The following TAB2 variants were observed in gnomAD, a reference collection of about 807,000 sequenced individuals.
TAB2 encodes TGF-beta-activated kinase 1 and MAP3K7-binding protein 2.
In TAB2, 3 loss-of-function variants were observed where a neutral mutation model predicts 65.0. The observed-to-expected ratio is 0.05, with a 90% CI of 0.02 to 0.12. TAB2 has a LOEUF of 0.12. Ranked by LOEUF, TAB2 falls within the 10% of genes least tolerant of loss-of-function variation. TAB2 has a pLI of 1.00. For missense variants in TAB2, 623 were observed against 840.3 expected, an observed-to-expected ratio of 0.74 and a Z score of 3.20; for synonymous variants, 298 against 285.1, an observed-to-expected ratio of 1.05 and a Z score of -0.46.
intron 6 of TAB2, chr6:149,400,259 G>A: frequency 1.0e-6 from 1 of 972,344 alleles, no homozygotes; most frequent in South Asian, 1.7e-5. Context: ...AGGGAGCCCA[G>A]GATGTGCACG....
At chr6:149,228,474 TC>T (rs1429007300) in intron 1 of TAB2, among the ~76,000 whole-genome samples, 1 of 152,098 alleles carries the variant, frequency 6.6e-6, no homozygotes. Flanking sequence ...AACTCTGACT[TC>T]CTCACACTGT....
Position 149,400,585 on chromosome 6 carries a change from A to G in TAB2, c.1939+1401A>G, listed in dbSNP as rs1782348032. ...CAGATCAGATTCCGATTTGGTGGGCAACCAATCAGTGGAACAGACAAACCT... is the reference window on the plus strand; with the variant it reads ...CAGATCAGATTCCGATTTGGTGGGCGACCAATCAGTGGAACAGACAAACCT... On this transcript the variant is annotated intron_variant, in intron 6 of 6. Transcript: ENST00000637181. The G allele has an allele frequency of 8.1e-6, 13 of 1,614,258 alleles. No individual in the cohort carries two copies. Among genetic ancestry groups the G allele is most frequent in the Non-Finnish European group, 1.1e-5 (13 of 1,180,040 alleles).
At chr6:149,355,667 CAA>C (rs10534200) in intron 1 of TAB2, among the ~76,000 whole-genome samples, 17,521 of 121,560 alleles carry the variant, frequency 0.14, 1,544 homozygotes, top group East Asian at 0.55. Context: ...AACTCCATCT[CAA>C]AAAAAAAAAA....
At chr6:149,289,541 G>C (rs564947739) in intron 1 of TAB2, among the ~76,000 whole-genome samples, 1 of 152,194 alleles carries the variant, frequency 6.6e-6, no homozygotes, top group Non-Finnish European at 1.5e-5. Context: ...CAGCCACGTG[G>C]AGAATCACAG....
At chr6:149,344,617 G>C (rs1780235744) in intron 1 of TAB2, among the ~76,000 whole-genome samples, 4 of 152,176 alleles carry the variant, frequency 2.6e-5, no homozygotes, top group African/African-American at 9.7e-5. Flanking sequence ...TTGAATGTCA[G>C]ATGAAGGAGT....
intron 1 of TAB2, among the ~76,000 whole-genome samples, chr6:149,345,756 C>A (rs1780275500): frequency 6.6e-6 from 1 of 152,000 alleles, no homozygotes; most frequent in South Asian, 2.1e-4. Flanking sequence ...TTTTTAAAAG[C>A]TTTTTAATAT....
At chr6:149,250,018 G>A (rs1228189710) in intron 1 of TAB2, among the ~76,000 whole-genome samples, 1 of 152,124 alleles carries the variant, frequency 6.6e-6, no homozygotes, top group Non-Finnish European at 1.5e-5. Context: ...GAGTTTCCTG[G>A]CAAAGGACAG....
intron 1 of TAB2, among the ~76,000 whole-genome samples, chr6:149,350,617 C>CTTTTTTTTT (rs150204735): frequency 1.1e-5 from 1 of 92,514 alleles, no homozygotes; most frequent in African/African-American, 4.3e-5. Flanking sequence ...TATTTTATGT[C>CTTTTTTTTT]TTTTTTTTTT....
intron 1 of TAB2, among the ~76,000 whole-genome samples, chr6:149,299,363 G>A (rs1562404934): frequency 1.3e-5 from 2 of 152,268 alleles, no homozygotes; most frequent in South Asian, 2.1e-4. Flanking sequence ...CTTGAGGCTG[G>A]GAGATCAAAA....
At chr6:149,225,673 C>T (rs1320281860) in intron 1 of TAB2, among the ~76,000 whole-genome samples, 2 of 151,904 alleles carry the variant, frequency 1.3e-5, no homozygotes, top group Non-Finnish European at 2.9e-5. Flanking sequence ...ATAGGGGACA[C>T]AATTTTTAAA....
At chr6:149,301,359 G>C (rs1308989990) in intron 1 of TAB2, among the ~76,000 whole-genome samples, 1 of 152,136 alleles carries the variant, frequency 6.6e-6, no homozygotes, top group Non-Finnish European at 1.5e-5. Context: ...TGGGTGCTTG[G>C]GGCCATTATA....
intron 1 of TAB2, among the ~76,000 whole-genome samples, chr6:149,326,570 C>A (rs957439957): frequency 6.7e-6 from 1 of 149,528 alleles, no homozygotes; most frequent in Admixed American, 6.7e-5. Flanking sequence ...TTTTTTGAGA[C>A]GGGGTCTTGC....
At chr6:149,270,771 C>T (rs577359854) in intron 1 of TAB2, among the ~76,000 whole-genome samples, 16 of 152,314 alleles carry the variant, frequency 1.1e-4, no homozygotes, top group African/African-American at 3.4e-4. Context: ...GCCTCTCCGA[C>T]GTACACATGG....
At chr6:149,343,426 T>G (rs566605779) in intron 1 of TAB2, among the ~76,000 whole-genome samples, 2 of 150,376 alleles carry the variant, frequency 1.3e-5, no homozygotes, top group Admixed American at 1.3e-4. Context: ...GAACTGAGAT[T>G]GCACCACTGC....
chr6:149,249,172 A>G lies in TAB2; in HGVS notation c.-121+30396A>G, dbSNP rs9399683. Among the ~76,000 whole-genome samples the G allele has an allele frequency of 0.019, 152 of 7,810 alleles. 1 individual carries two copies. In the East Asian group the frequency reaches 0.44, roughly 22 times the overall value. 5.1% of individuals were successfully genotyped at this position (7,810 alleles called of 152,430 possible). A position where few individuals can be genotyped will look rare whatever the true frequency, so the allele number is the denominator to read the frequency against. ...CACACATACACACACACACACACGC[A>G]CACACACACACACAGACACCTACCC... On this transcript the variant is annotated intron_variant, in intron 1 of 1. Coordinates refer to the TAB2 transcript ENST00000606202.
intron 1 of TAB2, among the ~76,000 whole-genome samples, chr6:149,250,964 C>T (rs1025403514): frequency 6.6e-6 from 1 of 152,324 alleles, no homozygotes; most frequent in Admixed American, 6.5e-5. Flanking sequence ...CGCTCACTCA[C>T]GCTTATTTCC....
chr6:149,297,316 A>C (rs1420879686), intron 1 of TAB2, among the ~76,000 whole-genome samples: 1 of 152,230 alleles, frequency 6.6e-6, no homozygotes, highest in African/African-American at 2.4e-5. Flanking sequence ...GATCCAATCA[A>C]GGATCACGCA....
At chr6:149,265,445 T>C (rs565938910) in intron 1 of TAB2, among the ~76,000 whole-genome samples, 2 of 152,272 alleles carry the variant, frequency 1.3e-5, no homozygotes, top group African/African-American at 4.8e-5. Flanking sequence ...TTCCCACAAT[T>C]GGGATAACAT....
rs549944639 is a variant in TAB2 at position 149,234,508 on chromosome 6, G to A, written c.-121+15732G>A. Among the ~76,000 whole-genome samples the A allele has an allele frequency of 9.0e-4, 137 of 152,242 alleles. 1 individual carries two copies. Among genetic ancestry groups the A allele is most frequent in the African/African-American group, 3.2e-3 (133 of 41,534 alleles). ...TAGGGTTTTGCGTAAGGTTTTGTTT[G>A]GGAGAAACTGGTGCCCACAAAAAAG... On this transcript the variant is annotated intron_variant, in intron 1 of 1. Coordinates refer to the TAB2 transcript ENST00000606202.
Sources: allele counts gnomAD v4.1 joint callset (sites outside exome capture counted in the v4.1 genomes callset), GRCh38; gene constraint gnomAD v4.1.1; transcripts MANE v1.5; gene names NCBI Gene and HGNC (gene_info 2026-07-23, HGNC 2026-07-21).